MTA3: variants seen among roughly 807,000 people sequenced by gnomAD.
MTA3 encodes metastasis associated 1 family member 3.
A neutral mutation model predicts 83.5 loss-of-function variants in MTA3; 34 were observed. That is an observed-to-expected ratio of 0.41 (90% CI 0.31 to 0.54). MTA3 has a LOEUF of 0.54. Among genes scored for constraint, MTA3 ranks in the 20% least tolerant of loss-of-function variants. The probability of loss-of-function intolerance (pLI) is 0.33; values close to 1 mark genes in which losing one functional copy is unlikely to be tolerated. For missense variants in MTA3, 761 were observed against 726.4 expected, an observed-to-expected ratio of 1.05 and a Z score of -0.55; for synonymous variants, 303 against 252.7, an observed-to-expected ratio of 1.20 and a Z score of -1.89.
chr2:42,601,555 C>CT (rs1418520550), intron 3 of MTA3, among the ~76,000 whole-genome samples: 2 of 152,168 alleles, frequency 1.3e-5, no homozygotes, highest in Non-Finnish European at 2.9e-5. Flanking sequence ...GACTAACTTT[C>CT]TAAGTTTTGT....
At chr2:42,562,218 T>C (rs751430690) in intron 2 of MTA3, among the ~76,000 whole-genome samples, 13 of 152,180 alleles carry the variant, frequency 8.5e-5, no homozygotes, top group Non-Finnish European at 1.9e-4. Context: ...TCTTGAGATC[T>C]TCAGCTTAAT....
At chr2:42,654,612 C>CT (rs1688998333) in intron 6 of MTA3, among the ~76,000 whole-genome samples, 1 of 152,114 alleles carries the variant, frequency 6.6e-6, no homozygotes, top group African/African-American at 2.4e-5. Flanking sequence ...TCTCTTGGCC[C>CT]TTACTTCCTG....
chr2:42,646,584 G>A (rs371038907), intron 6 of MTA3, among the ~76,000 whole-genome samples: 2 of 152,228 alleles, frequency 1.3e-5, no homozygotes, highest in Admixed American at 1.3e-4. Context: ...AGTGGTGGAA[G>A]TAACTGTAGT....
At chr2:42,652,851 A>C (rs975484623) in intron 6 of MTA3, among the ~76,000 whole-genome samples, 8 of 152,196 alleles carry the variant, frequency 5.3e-5, no homozygotes, top group African/African-American at 1.9e-4. Context: ...TTGAGCAAAA[A>C]TGGTGATAAA....
chr2:42,550,161 A>C (rs892871623), intron 2 of MTA3, among the ~76,000 whole-genome samples: 1 of 152,204 alleles, frequency 6.6e-6, no homozygotes, highest in Non-Finnish European at 1.5e-5. Context: ...ATCTACCATA[A>C]GAACAAATCT....
chr2:42,586,477 A>AACACAC (rs573814961), intron 3 of MTA3, among the ~76,000 whole-genome samples: 9,590 of 72,600 alleles, frequency 0.13, 1,029 homozygotes, highest in South Asian at 0.27. Context: ...AAGGAAGGAA[A>AACACAC]ACACACACAC....
chr2:42,655,927 C>G (rs745823794), intron 6 of MTA3, among the ~76,000 whole-genome samples: 1 of 152,162 alleles, frequency 6.6e-6, no homozygotes, highest in African/African-American at 2.4e-5. Context: ...CTTTATGTCT[C>G]TTAGCATGGC....
intron 16 of MTA3, among the ~76,000 whole-genome samples, chr2:42,723,790 C>G (rs1401801961): frequency 6.6e-6 from 1 of 152,148 alleles, no homozygotes; most frequent in African/African-American, 2.4e-5. Flanking sequence ...GCTTTTCATG[C>G]CTTCTGGAAC....
At chr2:42,637,267 C>A (rs1388211584) in intron 4 of MTA3, among the ~76,000 whole-genome samples, 1 of 152,140 alleles carries the variant, frequency 6.6e-6, no homozygotes, top group Non-Finnish European at 1.5e-5. Flanking sequence ...TTATATGGGC[C>A]TGGAGTGATC....
intron 2 of MTA3, among the ~76,000 whole-genome samples, chr2:42,575,056 C>T (rs189664043): frequency 4.8e-4 from 73 of 152,264 alleles, no homozygotes; most frequent in Non-Finnish European, 7.9e-4. Flanking sequence ...AAATCTTGAC[C>T]TATGAGACCC....
chr2:42,508,649 A>G (rs1222481354), intron 2 of MTA3, among the ~76,000 whole-genome samples: 3 of 151,504 alleles, frequency 2.0e-5, no homozygotes, highest in Non-Finnish European at 2.9e-5. Context: ...TTGAATGATT[A>G]TGATGTGCCA....
intron 12 of MTA3, 136 bp from the exon 13 acceptor site, chr2:42,707,767 T>A: frequency 1.1e-6 from 1 of 934,434 alleles, no homozygotes; most frequent in Non-Finnish European, 1.5e-6. Context: ...TATACTATTA[T>A]GTTTGGCTTG....
intron 2 of MTA3, among the ~76,000 whole-genome samples, chr2:42,534,818 C>G (rs1676143460): frequency 6.6e-6 from 1 of 151,954 alleles, no homozygotes; most frequent in Non-Finnish European, 1.5e-5. Context: ...GAAATGGGGT[C>G]TCACTGTGTT....
chr2:42,556,416 G>A (rs990387691), intron 2 of MTA3, among the ~76,000 whole-genome samples: 4 of 152,194 alleles, frequency 2.6e-5, no homozygotes, highest in Non-Finnish European at 4.4e-5. Context: ...AGAAAAATGG[G>A]TTTTGCCTCA....
At chr2:42,540,054 C>T (rs750003120) in intron 2 of MTA3, among the ~76,000 whole-genome samples, 19 of 152,062 alleles carry the variant, frequency 1.2e-4, no homozygotes, top group South Asian at 1.2e-3. Flanking sequence ...TTTTAAATAA[C>T]GGGGGAGGGA....
chr2:42,736,840 G>GGT (rs1425675675), intron 16 of MTA3, among the ~76,000 whole-genome samples: 2 of 152,126 alleles, frequency 1.3e-5, no homozygotes, highest in African/African-American at 4.8e-5. Context: ...GTCAGCAGCT[G>GGT]GTGAATCCTG....
At chr2:42,603,474 G>T (rs1277662880) in intron 3 of MTA3, among the ~76,000 whole-genome samples, 1 of 152,132 alleles carries the variant, frequency 6.6e-6, no homozygotes, top group East Asian at 1.9e-4. Context: ...GGCAGCTTTT[G>T]CCCGATGCAG....
intron 3 of MTA3, chr2:42,581,703 G>C: frequency 4.4e-6 from 1 of 227,636 alleles, no homozygotes; most frequent in Non-Finnish European, 9.0e-6. Flanking sequence ...TTAGAAGCTA[G>C]ATTACAAGCA....
chr2:42,741,868 G>T (rs114832184), intron 16 of MTA3, among the ~76,000 whole-genome samples: 1 of 152,126 alleles, frequency 6.6e-6, no homozygotes, highest in Non-Finnish European at 1.5e-5. Context: ...AAAATGTGAC[G>T]CAGAGACATT....
Sources: gnomAD v4.1 joint callset for allele counts (sites outside exome capture counted in the v4.1 genomes callset) on GRCh38, gnomAD v4.1.1 for gene constraint, MANE v1.5 for transcripts, NCBI Gene and HGNC (gene_info 2026-07-23, HGNC 2026-07-21) for gene names.